The following ATP11B variants were observed in gnomAD, a reference collection of about 807,000 sequenced individuals.
The protein encoded by ATP11B is phospholipid-transporting ATPase IF.
Under a neutral mutation model 157.8 loss-of-function variants are expected in ATP11B, and 81 were observed. The observed-to-expected ratio is 0.51, with a 90% CI of 0.43 to 0.62. The LOEUF is 0.62. Among genes scored for constraint, ATP11B ranks in the 20% least tolerant of loss-of-function variants. ATP11B has a pLI of 0.00. For synonymous variants in ATP11B, 451 were observed against 469.4 expected (o/e 0.96, Z 0.51); for missense variants, 1,165 against 1,402.2 (o/e 0.83, Z 2.70).
intron 1 of ATP11B, among the ~76,000 whole-genome samples, chr3:182,807,154 A>G (rs1216593177): frequency 6.6e-6 from 1 of 152,174 alleles, no homozygotes; most frequent in Non-Finnish European, 1.5e-5. Context: ...ACTTGAACCT[A>G]GAGAGTTTTT....
intron 19 of ATP11B, among the ~76,000 whole-genome samples, chr3:182,875,737 G>A (rs763165054): frequency 7.2e-5 from 11 of 152,188 alleles, no homozygotes; most frequent in East Asian, 3.9e-4. Context: ...CACCGCACCC[G>A]GCCCATATAG....
intron 19 of ATP11B, among the ~76,000 whole-genome samples, chr3:182,878,474 C>T (rs1471133292): frequency 2.0e-5 from 3 of 152,176 alleles, no homozygotes; most frequent in Admixed American, 6.5e-5. Flanking sequence ...GGTATACTTC[C>T]TTCATCAAGA....
At chr3:182,834,609 C>T (rs546157736) in intron 4 of ATP11B, among the ~76,000 whole-genome samples, 2 of 152,228 alleles carry the variant, frequency 1.3e-5, no homozygotes, top group African/African-American at 2.4e-5. Flanking sequence ...ATACTTGTGC[C>T]GTATCTCTGA....
rs201583413 is a variant in ATP11B, at chr3:182,865,592, C to T, written c.1337C>T (p.Ser446Leu). 6.2e-7 allele frequency: 1 copy of T among 1,613,826 alleles called. No individual in the cohort carries two copies. The highest frequency in any genetic ancestry group is 1.3e-5 in the African/African-American group (1 of 75,026). The change falls in exon 13 of 30, where the codon TCA becomes TTA. Residue 446 changes from serine (S) to leucine (L), a missense_variant. Ser to Leu is a moderately radical substitution (Grantham distance 145, BLOSUM62 -2). This residue lies in a region of ATP11B where 737 missense variants were observed against 930.5 expected (regional missense o/e 0.79). Transcript: ENST00000323116. ...LVPEGPTPDS[S>L]EGNLSYLSSL... ...CCCGAAGGACCAACACCAGACTCTT[C>T]AGAAGGAAACTTATCTTATCTTAGT...
chr3:182,875,289 G>A (rs1329452965), intron 19 of ATP11B, among the ~76,000 whole-genome samples: 2 of 152,124 alleles, frequency 1.3e-5, no homozygotes, highest in Non-Finnish European at 2.9e-5. Flanking sequence ...AAATACCATA[G>A]TTGTTAATAT....
chr3:182,914,711 C>G, intron 29 of ATP11B: 6 of 984,736 alleles, frequency 6.1e-6, no homozygotes, highest in Non-Finnish European at 7.2e-6. Context: ...TGCACCATAA[C>G]GAAAAAAAAC....
At chr3:182,839,207 T>G (rs1718802372) in intron 7 of ATP11B, among the ~76,000 whole-genome samples, 1 of 152,144 alleles carries the variant, frequency 6.6e-6, no homozygotes, top group Admixed American at 6.6e-5. Context: ...TGCATATCCT[T>G]ACTTATAAGT....
intron 28 of ATP11B, among the ~76,000 whole-genome samples, chr3:182,911,880 G>T (rs1235410934): frequency 1.3e-5 from 2 of 152,174 alleles, no homozygotes; most frequent in African/African-American, 4.8e-5. Context: ...TAATGGAGAC[G>T]GTAGGATTTA....
chr3:182,853,414 G>A (rs1720132949), intron 10 of ATP11B, among the ~76,000 whole-genome samples: 1 of 152,022 alleles, frequency 6.6e-6, no homozygotes. Context: ...TCACCATGTT[G>A]GCCAGGATGT....
chr3:182,805,262 A>G lies in ATP11B; in HGVS notation c.27+11476A>G, dbSNP rs78393019. Reference sequence around the variant, plus strand: ...CCACTAGCAATGTATGAGGGTTCCAATGTCTTCATATCCTTGCCAACACTT... The same window carrying G: ...CCACTAGCAATGTATGAGGGTTCCAGTGTCTTCATATCCTTGCCAACACTT... On this transcript the variant is annotated intron_variant, in intron 1 of 29. Transcript: ENST00000323116. 1.9e-4 allele frequency among the ~76,000 whole-genome samples: 29 copies of G among 152,300 alleles called. No individual in the cohort carries two copies. The East Asian group carries it at 5.4e-3, about 28-fold the overall frequency.
intron 12 of ATP11B, 88 bp downstream of exon 12, chr3:182,859,447 T>C (rs1264226466): frequency 5.0e-6 from 6 of 1,201,028 alleles, no homozygotes; most frequent in Non-Finnish European, 3.4e-6. Flanking sequence ...CAAGGTATTA[T>C]GATGCTTATA....
chr3:182,850,155 G>T (rs1719855834), intron 10 of ATP11B, among the ~76,000 whole-genome samples: 1 of 152,120 alleles, frequency 6.6e-6, no homozygotes, highest in Admixed American at 6.6e-5. Context: ...AATGAAACTG[G>T]ATCCCTATCT....
rs922530513 is a variant in ATP11B at position 182,842,261 on chromosome 3, G to C, written c.704+139G>C. The C allele has an allele frequency of 7.6e-6, 5 of 659,588 alleles. No homozygotes were observed. In the East Asian group the frequency reaches 8.4e-5, roughly 11 times the overall value. The allele number at this position is 659,588 out of a possible 1,614,324, so 40.9% of individuals were successfully genotyped here. On this transcript the variant is annotated intron_variant, in intron 8 of 29. Coordinates refer to ENST00000323116, the MANE Select transcript of ATP11B (RefSeq NM_014616.3). ...AATTTTGTTGTGTTTTGTTTGTTTT[G>C]TTTTGTTTACATTTAGTGGTTTATT...
intron 23 of ATP11B, among the ~76,000 whole-genome samples, chr3:182,887,264 T>C (rs749507001): frequency 6.6e-6 from 1 of 152,154 alleles, no homozygotes; most frequent in Non-Finnish European, 1.5e-5. Flanking sequence ...ATGCCTGGAA[T>C]ACATGGAGGA....
chr3:182,914,357 T>A (rs1560136948), intron 29 of ATP11B: 4 of 965,050 alleles, frequency 4.1e-6, no homozygotes, highest in Non-Finnish European at 4.9e-6. Flanking sequence ...TTTTTTAAAA[T>A]TTTTTTGCTT....
chr3:182,906,045 T>TAA, intron 28 of ATP11B: 1 of 321,446 alleles, frequency 3.1e-6, no homozygotes, highest in South Asian at 2.6e-5. Context: ...CCTCATATGT[T>TAA]GTTTTAGTTT....
chr3:182,859,485 C>T, intron 12 of ATP11B, 126 bp downstream of exon 12: 1 of 657,296 alleles, frequency 1.5e-6, no homozygotes, highest in Non-Finnish European at 2.4e-6. Context: ...TTGCTCCACT[C>T]CTAGCTGTTC....
At chr3:182,820,738 G>A (rs186368225) in intron 2 of ATP11B, among the ~76,000 whole-genome samples, 35 of 152,270 alleles carry the variant, frequency 2.3e-4, no homozygotes, top group Non-Finnish European at 4.6e-4. Flanking sequence ...ATATGTGTGT[G>A]TGTGTATTTA....
intron 10 of ATP11B, among the ~76,000 whole-genome samples, chr3:182,854,572 A>G (rs1481019435): frequency 6.6e-6 from 1 of 152,230 alleles, no homozygotes; most frequent in Non-Finnish European, 1.5e-5. Flanking sequence ...TTAGGATACA[A>G]CAAATATAAT....
Sources: allele counts gnomAD v4.1 joint callset (sites outside exome capture counted in the v4.1 genomes callset), GRCh38; gene constraint gnomAD v4.1.1; regional missense constraint gnomAD v4.1.1; transcripts MANE v1.5; gene names NCBI Gene and HGNC (gene_info 2026-07-23, HGNC 2026-07-21).